CHTF18: variants seen among roughly 807,000 people sequenced by gnomAD.
CHTF18 encodes chromosome transmission fidelity factor 18, also known as chromosome transmission fidelity protein 18 homolog.
Under a neutral mutation model 113.4 loss-of-function variants are expected in CHTF18, and 151 were observed. That is an observed-to-expected ratio of 1.33 (90% CI 1.17 to 1.52). CHTF18 has a LOEUF of 1.52. CHTF18 is among the 40% of genes most tolerant of loss of function. The pLI, the probability that CHTF18 is intolerant of heterozygous loss-of-function variation, is 0.00. For synonymous variants in CHTF18, 916 were observed against 598.8 expected (o/e 1.53, Z -7.74); for missense variants, 1,982 against 1,381.6 (o/e 1.43, Z -6.89).
chr16:790,832 TG>T (rs2042177267), intron 7 of CHTF18, 166 bp downstream of exon 7: 9 of 1,432,224 alleles, frequency 6.3e-6, no homozygotes, highest in Non-Finnish European at 8.2e-6. Context: ...CAGGGCTGTG[TG>T]CTACTGGTCC....
In CHTF18 at chr16:791,952, A is replaced by G. The variant is rs1362859434; in HGVS notation, c.1202+4A>G. The G allele has an allele frequency of 1.7e-5, 28 of 1,604,724 alleles. No individual in the cohort carries two copies. Among genetic ancestry groups the G allele is most frequent in the Non-Finnish European group, 2.4e-5 (28 of 1,176,486 alleles). On this transcript the variant is annotated splice_donor_region_variant and intron_variant, in intron 9 of 21. Coordinates refer to ENST00000262315, the MANE Select transcript of CHTF18 (RefSeq NM_022092.3). ...CTGTGGTGGAGATGAACGCCAGGTG[A>G]GTGATGTGAGGTCCGTCTCTGGCTC...
At position 791,200 on chromosome 16, in the gene CHTF18, G is replaced by A. The variant is rs2042185944; in HGVS notation, c.934G>A (p.Asp312Asn). Residue 312 changes from aspartate (D) to asparagine (N), a missense_variant, in exon 8 of 22, where the codon GAC becomes AAC. Physicochemically the swap from Asp to Asn is conservative, Grantham distance 23. Transcript: ENST00000262315. ...RCLLKWLKLW[D>N]LVVFGHERPS... ...CCTGCTCAAGTGGCTGAAGTTGTGG[G>A]ACCTGGTGGTGTTTGGCCACGAGAG... 3 of 1,611,680 alleles carry A rather than the reference G, an allele frequency of 1.9e-6. No homozygotes were observed. The highest frequency in any genetic ancestry group is 2.5e-6 in the Non-Finnish European group (3 of 1,179,542).
At position 790,366 on chromosome 16, in the gene CHTF18, A is replaced by C. The variant is rs1237543255; in HGVS notation, c.719A>C (p.Gln240Pro). The change falls in exon 6 of 22, where the codon CAG becomes CCG. Residue 240 changes from glutamine (Q) to proline (P), a missense_variant. Gln to Pro is a moderately conservative substitution (Grantham distance 76). Transcript: ENST00000262315. ...VDGERRERLL[Q>P]EAQKLSDTLH... ...GCACAGCGGCGGGAGCGGCTGCTTC[A>C]GGAGGCCCAGAAGCTTTCAGACACC... 5.0e-6 allele frequency: 8 copies of C among 1,611,520 alleles called. No individual in the cohort carries two copies. The Admixed American group carries it at 1.3e-4, about 27-fold the overall frequency.
chr16:794,948 C>G (rs1174290758), intron 15 of CHTF18, 184 bp from the exon 16 acceptor site: 1 of 594,604 alleles, frequency 1.7e-6, no homozygotes, highest in East Asian at 2.8e-5. Flanking sequence ...CCCAGTGACC[C>G]CTTGCTGGTG....
At chr16:793,857 G>C in intron 14 of CHTF18, 197 bp from the exon 15 acceptor site, 1 of 657,468 alleles carries the variant, frequency 1.5e-6, no homozygotes, top group Non-Finnish European at 2.6e-6. Flanking sequence ...GGGCTCCTCG[G>C]CTTAAGGGAA....
chr16:791,071 A>G (rs374678377), intron 7 of CHTF18, 90 bp from the exon 8 acceptor site: 57 of 1,514,606 alleles, frequency 3.8e-5, no homozygotes, highest in Non-Finnish European at 4.9e-5. Context: ...TTGGCATCCC[A>G]TGGGGCATGG....
At position 792,798 on chromosome 16, in the gene CHTF18, A is replaced by G. The variant is rs1363317552; in HGVS notation, c.1559A>G (p.Gln520Arg). Residue 520 changes from glutamine to arginine, a missense_variant, in exon 12 of 22, where the codon CAG becomes CGG. Physicochemically the swap from Gln to Arg is conservative, Grantham distance 43. Coordinates refer to ENST00000262315, the MANE Select transcript of CHTF18 (RefSeq NM_022092.3). ...CCGACTCTGCCCTCGAGGCTGGTGC[A>G]GCGGCTCCAGGAGGTCGGTGGAGCC... ...FPPTLPSRLV[Q>R]RLQEVSLRQG... 3 of 1,541,828 alleles carry G rather than the reference A, an allele frequency of 1.9e-6. No individual in the cohort carries two copies. Among genetic ancestry groups the G allele is most frequent in the Non-Finnish European group, 2.6e-6 (3 of 1,147,778 alleles).
At chr16:792,942 C>G in intron 12 of CHTF18, 24 bp from the exon 13 acceptor site, 1 of 1,548,080 alleles carries the variant, frequency 6.5e-7, no homozygotes, top group Non-Finnish European at 8.7e-7. Flanking sequence ...ACCATCGGGC[C>G]CTCCAGCAGC....
At chr16:792,038 C>G in intron 9 of CHTF18, 90 bp downstream of exon 9, 1 of 1,548,372 alleles carries the variant, frequency 6.5e-7, no homozygotes, top group Non-Finnish European at 8.7e-7. Flanking sequence ...GTGGATGTTC[C>G]CGTCTTGAGG....
At chr16:794,277 C>T in intron 15 of CHTF18, 76 bp downstream of exon 15, 9 of 1,535,862 alleles carry the variant, frequency 5.9e-6, no homozygotes, top group Non-Finnish European at 6.2e-6. Context: ...CCCTGCCGGT[C>T]CTCCCGTATG....
chr16:794,996 C>T, intron 15 of CHTF18, 136 bp from the exon 16 acceptor site: 1 of 702,528 alleles, frequency 1.4e-6, no homozygotes, highest in Non-Finnish European at 2.4e-6. Flanking sequence ...CGTGGGGACC[C>T]TTGTGGAGGG....
rs1350822856 is a variant in CHTF18, at chr16:791,451, T to C, written c.1104+81T>C. ...CGGCACCCTTGCAGCCTGTTGACTT[T>C]CTCCAGGAGCCGTGGGTGTGGTGAC... On this transcript the variant is annotated intron_variant, in intron 8 of 21. Coordinates refer to ENST00000262315, the MANE Select transcript of CHTF18 (RefSeq NM_022092.3). 4.7e-6 allele frequency: 7 copies of C among 1,479,644 alleles called. No homozygotes were observed. In the East Asian group the frequency reaches 1.5e-4, roughly 31 times the overall value. 91.7% of individuals were successfully genotyped at this position (1,479,644 alleles called of 1,614,324 possible). A position where few individuals can be genotyped will look rare whatever the true frequency, so the allele number is the denominator to read the frequency against.
Position 789,265 on chromosome 16 carries a change from G to C in CHTF18, c.342G>C (p.Ser114=), listed in dbSNP as rs912574796. The stretch of plus-strand genomic sequence containing the variant: ...TGGTCAAGAGGCTGAACTTCAGATC[G>C]GAGGAGATGGAGGAGCCGCCCCCTC... The part of the protein sequence containing the change: ...LQVVKRLNFR[S]EEMEEPPPPD... The change falls in exon 3 of 22, where the codon TCG becomes TCC. Residue 114 remains serine (S), a synonymous_variant. Coordinates refer to ENST00000262315, the MANE Select transcript of CHTF18 (RefSeq NM_022092.3). The C allele has an allele frequency of 4.5e-6, 7 of 1,565,796 alleles. No individual in the cohort carries two copies. The Admixed American group carries it at 5.7e-5, about 13-fold the overall frequency.
At chr16:793,311 G>A (rs1338921312) in intron 14 of CHTF18, 37 bp downstream of exon 14, 43 of 1,600,062 alleles carry the variant, frequency 2.7e-5, no homozygotes, top group Non-Finnish European at 3.7e-5. Context: ...AGATGCTCAC[G>A]GTGCCCGGAC....
chr16:789,037 C>T lies in CHTF18; in HGVS notation c.198C>T (p.Ala66=). The T allele has an allele frequency of 6.5e-7, 1 of 1,538,896 alleles. No individual in the cohort carries two copies. Among genetic ancestry groups the T allele is most frequent in the Non-Finnish European group, 8.7e-7 (1 of 1,143,126 alleles). ...LARGDAASSP[A]PAASVGSSQG... is the part of the protein sequence containing the mutation. ...GAGGGGACGCGGCCTCCAGTCCCGC[C>T]CCAGCCGCATCTGTGGGCAGCAGCC... Residue 66 remains alanine (A), a synonymous_variant, in exon 2 of 22, where the codon GCC becomes GCT. Transcript: ENST00000262315.
chr16:791,630 T>C (rs1362536127), intron 8 of CHTF18: 15 of 1,430,300 alleles, frequency 1.0e-5, no homozygotes, highest in Non-Finnish European at 1.3e-5. Flanking sequence ...GTCACACTGG[T>C]ATCAGCTGTG....
In CHTF18 at chr16:788,974, G is replaced by A. The variant is rs761127789; in HGVS notation, c.135G>A (p.Ala45=). ...PSPSGVPLFT[A]GRPPRTFEEA... ...CCTCCGGGGTCCCCCTGTTCACCGC[G>A]GGCCGACCCCCGCGGACGTTCGAGG... The change falls in exon 2 of 22, where the codon GCG becomes GCA. Residue 45 remains alanine (A), a synonymous_variant. Coordinates refer to ENST00000262315, the MANE Select transcript of CHTF18 (RefSeq NM_022092.3). The A allele has an allele frequency of 3.2e-6, 5 of 1,567,648 alleles. No individual in the cohort carries two copies. Among genetic ancestry groups the A allele is most frequent in the Admixed American group, 1.8e-5 (1 of 56,022 alleles).
rs186124617 is a variant in CHTF18 at position 789,731 on chromosome 16, C to T, written c.606+16C>T. 408 of 1,567,426 alleles carry T rather than the reference C, an allele frequency of 2.6e-4. 1 individual carries two copies. The African/African-American group carries it at 4.6e-3, about 18-fold the overall frequency. On this transcript the variant is annotated intron_variant, in intron 4 of 21. Coordinates refer to ENST00000262315, the MANE Select transcript of CHTF18 (RefSeq NM_022092.3). ...GGGGGTGCAGGTGCGTGGCTGTGGCCTTCCTGCACGGTGGGTGGGCCAGTG... is the reference window on the plus strand; with the variant it reads ...GGGGGTGCAGGTGCGTGGCTGTGGCTTTCCTGCACGGTGGGTGGGCCAGTG...
In CHTF18 at chr16:795,179, G is replaced by A; in HGVS notation, c.1998G>A (p.Leu666=). ...FLRLRLRDSS[L]GAVCVALDWL... ...GTCTGCGGCTGCGAGACTCCAGCCT[G>A]GGTGCTGTGTGTGTGGCCCTCGACT... Residue 666 remains leucine (L), a synonymous_variant, in exon 16 of 22, where the codon CTG becomes CTA. Transcript: ENST00000262315. 6.4e-7 allele frequency: 1 copy of A among 1,558,400 alleles called. No homozygotes were observed. The highest frequency in any genetic ancestry group is 8.7e-7 in the Non-Finnish European group (1 of 1,151,382).
Sources: gnomAD v4.1 joint callset for allele counts on GRCh38, gnomAD v4.1.1 for gene constraint, MANE v1.5 for transcripts, NCBI Gene and HGNC (gene_info 2026-07-23, HGNC 2026-07-21) for gene names.